Variants in CAMTA1 observed in about 807,000 individuals in gnomAD.
CAMTA1 encodes calmodulin-binding transcription activator 1.
In CAMTA1, 27 loss-of-function variants were observed where a neutral mutation model predicts 170.9. The ratio of observed to expected loss-of-function variants is 0.16; its 90% CI spans 0.12 to 0.22. The LOEUF is 0.22. Ranked by LOEUF, CAMTA1 falls within the 10% of genes least tolerant of loss-of-function variation. The pLI is 1.00. For missense variants in CAMTA1, 1,619 were observed against 2,217.2 expected, an observed-to-expected ratio of 0.73 and a Z score of 5.42; for synonymous variants, 833 against 891.5, an observed-to-expected ratio of 0.93 and a Z score of 1.17.
At position 7,044,890 on chromosome 1, in the gene CAMTA1, T is replaced by A. The variant is rs1705123234; in HGVS notation, c.235-46414T>A. ...TCCTCTCCCCATTAACATCCCGCCATTTTGATTAAAAAAAAAAATCCCCCA... is the reference window on the plus strand; with the variant it reads ...TCCTCTCCCCATTAACATCCCGCCAATTTGATTAAAAAAAAAAATCCCCCA... On this transcript the variant is annotated intron_variant, in intron 3 of 22. Coordinates refer to ENST00000303635, the MANE Select transcript of CAMTA1 (RefSeq NM_015215.4). This position sits in a 1 kb window ranked among gnomAD's most constrained non-coding sequence, Gnocchi z 5.0. Among the ~76,000 whole-genome samples, 1 of 48,158 alleles carries A rather than the reference T, an allele frequency of 2.1e-5. No homozygotes were observed. Among genetic ancestry groups the A allele is most frequent in the African/African-American group, 1.7e-4 (1 of 5,758 alleles). The allele number at this position is 48,158 out of a possible 152,430, so 31.6% of individuals were successfully genotyped here. A position where few individuals can be genotyped will look rare whatever the true frequency, so the allele number is the denominator to read the frequency against.
chr1:7,377,536 G>A (rs1043729917), intron 5 of CAMTA1, among the ~76,000 whole-genome samples: 2 of 152,174 alleles, frequency 1.3e-5, no homozygotes, highest in South Asian at 2.1e-4. Context: ...CCGAGGTTTC[G>A]CTCTGGATCT....
At chr1:7,551,539 C>T (rs1398648462) in intron 6 of CAMTA1, among the ~76,000 whole-genome samples, 4 of 152,162 alleles carry the variant, frequency 2.6e-5, no homozygotes, top group Non-Finnish European at 4.4e-5. Context: ...CTGTGTCCAT[C>T]GGGTCACGTC....
chr1:6,892,445 A>G (rs1674704132), intron 3 of CAMTA1, among the ~76,000 whole-genome samples: 1 of 152,218 alleles, frequency 6.6e-6, no homozygotes, highest in East Asian at 1.9e-4. Context: ...ATTTTTTACA[A>G]GAGTCACTGA....
intron 10 of CAMTA1, among the ~76,000 whole-genome samples, chr1:7,672,764 C>T (rs1157959963): frequency 6.6e-6 from 1 of 152,104 alleles, no homozygotes; most frequent in Non-Finnish European, 1.5e-5. Context: ...AAAACCCCTG[C>T]TCCACAGCTG....
chr1:7,225,903 C>G (rs987920390), intron 4 of CAMTA1, among the ~76,000 whole-genome samples: 2 of 152,182 alleles, frequency 1.3e-5, no homozygotes, highest in East Asian at 1.9e-4. Flanking sequence ...AGCAGCGAAC[C>G]TTTCCGAGCC....
In CAMTA1 at chr1:7,633,497, G is replaced by A. The variant is rs936737174; in HGVS notation, c.511-6903G>A. 1.3e-5 allele frequency among the ~76,000 whole-genome samples: 2 copies of A among 152,088 alleles called. No homozygotes were observed. Among genetic ancestry groups the A allele is most frequent in the East Asian group, 1.9e-4 (1 of 5,180 alleles). ...TGGGATGGACACCGACTCCTTCCCC[G>A]CACCCTAGTCTCTGTCTGTCCCTCT... On this transcript the variant is annotated intron_variant, in intron 6 of 22. Coordinates refer to ENST00000303635, the MANE Select transcript of CAMTA1 (RefSeq NM_015215.4). The surrounding 1 kb of genome is among the most constrained non-coding windows in gnomAD (Gnocchi z 4.1).
intron 11 of CAMTA1, among the ~76,000 whole-genome samples, chr1:7,703,980 G>A (rs1473298786): frequency 2.6e-5 from 4 of 151,988 alleles, no homozygotes; most frequent in Admixed American, 6.5e-5. Flanking sequence ...AGCTAAGGGG[G>A]CCCAGCGCCG....
At chr1:6,810,660 C>T (rs1465399714) in intron 1 of CAMTA1, among the ~76,000 whole-genome samples, 1 of 152,078 alleles carries the variant, frequency 6.6e-6, no homozygotes, top group Non-Finnish European at 1.5e-5. Context: ...AAAAATTTAG[C>T]CGGGCGTGGT....
In CAMTA1 at chr1:7,737,589, G is replaced by A. The variant is rs769844969; in HGVS notation, c.3658+19G>A. The A allele has an allele frequency of 1.7e-5, 27 of 1,586,530 alleles. 1 individual carries two copies. In the South Asian group the frequency reaches 2.1e-4, roughly 12 times the overall value. On this transcript the variant is annotated intron_variant, in intron 15 of 22. Coordinates refer to ENST00000303635, the MANE Select transcript of CAMTA1 (RefSeq NM_015215.4). ...AACCCAGGTAAGAATTCAGAATCAT[G>A]ACATCTCAGAGCTTGACAGAGATCC...
intron 6 of CAMTA1, among the ~76,000 whole-genome samples, chr1:7,624,971 T>A (rs2095623263): frequency 6.6e-6 from 1 of 152,150 alleles, no homozygotes; most frequent in African/African-American, 2.4e-5. Flanking sequence ...ATTCCAGGCC[T>A]TGGGAACAGC....
chr1:6,837,978 C>G (rs780777107), intron 3 of CAMTA1, among the ~76,000 whole-genome samples: 1 of 152,152 alleles, frequency 6.6e-6, no homozygotes, highest in Non-Finnish European at 1.5e-5. Context: ...CTGGCTGCCA[C>G]TGCTAGACTC....
chr1:7,179,134 A>G (rs749728527), intron 4 of CAMTA1, among the ~76,000 whole-genome samples: 3 of 152,246 alleles, frequency 2.0e-5, no homozygotes, highest in Non-Finnish European at 4.4e-5. Context: ...ACAAATGATG[A>G]TATGGGTTCT....
rs544846533 is a variant in CAMTA1, at chr1:6,789,144, A to G, written c.45+3569A>G. On this transcript the variant is annotated intron_variant, in intron 1 of 22. Transcript: ENST00000303635. ...ATCATTGAGTGGATTCAAAGTGTTG[A>G]CATACACAGAGCAACCTCTACTCAA... Among the ~76,000 whole-genome samples, 10 of 152,268 alleles carry G rather than the reference A, an allele frequency of 6.6e-5. No individual in the cohort carries two copies. In the East Asian group the frequency reaches 1.9e-3, roughly 29 times the overall value.
intron 6 of CAMTA1, among the ~76,000 whole-genome samples, chr1:7,600,080 T>A (rs1167864552): frequency 6.6e-6 from 1 of 152,224 alleles, no homozygotes; most frequent in African/African-American, 2.4e-5. Context: ...TGTGGGTTTG[T>A]CATAGATAGC....
chr1:6,857,751 C>T (rs536669778), intron 3 of CAMTA1, among the ~76,000 whole-genome samples: 1 of 152,280 alleles, frequency 6.6e-6, no homozygotes, highest in African/African-American at 2.4e-5. Context: ...ACATAAAAAA[C>T]ATTCCTGTCT....
At chr1:7,452,856 G>T (rs773540228) in intron 5 of CAMTA1, among the ~76,000 whole-genome samples, 4 of 152,198 alleles carry the variant, frequency 2.6e-5, no homozygotes, top group Non-Finnish European at 5.9e-5. Context: ...TCTGTTTTCA[G>T]TTCTTTTGGG....
In CAMTA1 at chr1:7,663,909, C is replaced by A. The variant is rs1172150791; in HGVS notation, c.1362C>A (p.Ser454=). The A allele has an allele frequency of 6.2e-7, 1 of 1,613,774 alleles. No individual in the cohort carries two copies. Among genetic ancestry groups the A allele is most frequent in the Non-Finnish European group, 8.5e-7 (1 of 1,180,050 alleles). ...CCACGGGCAGCTCGGAGAGCCTGTC[C>A]ATGCTGCCCACCAACGTGTCCGAAG... ...FPTTGSSESL[S]MLPTNVSEEL... is the part of the protein sequence containing the mutation. The change falls in exon 9 of 23, where the codon TCC becomes TCA. Residue 454 remains serine, a synonymous_variant. Transcript: ENST00000303635.
rs956106182 is a variant in CAMTA1, at chr1:7,682,584, G to A, written c.2914+4851G>A. ...TGGTCCTGCTGGCCTTTCCTTGTGG[G>A]CTGATTCTAGTACCAGCCTCCACCC... is the stretch of plus-strand genomic sequence containing the variant. On this transcript the variant is annotated intron_variant, in intron 11 of 22. Transcript: ENST00000303635. This position sits in a 1 kb window ranked among gnomAD's most constrained non-coding sequence, Gnocchi z 5.0. Among the ~76,000 whole-genome samples the A allele has an allele frequency of 3.3e-5, 5 of 152,238 alleles. No individual in the cohort carries two copies. Among genetic ancestry groups the A allele is most frequent in the Non-Finnish European group, 5.9e-5 (4 of 68,042 alleles).
At chr1:7,601,231 G>A (rs1272850385) in intron 6 of CAMTA1, among the ~76,000 whole-genome samples, 2 of 151,204 alleles carry the variant, frequency 1.3e-5, no homozygotes, top group Non-Finnish European at 1.5e-5. Flanking sequence ...AGACGGGGTG[G>A]CTGCCGGGCG....
Sources: allele counts gnomAD v4.1 joint callset (sites outside exome capture counted in the v4.1 genomes callset), GRCh38; gene constraint gnomAD v4.1.1; non-coding constraint Gnocchi (gnomAD v3.1); transcripts MANE v1.5; gene names NCBI Gene and HGNC (gene_info 2026-07-23, HGNC 2026-07-21).